NBEA: variants seen among roughly 807,000 people sequenced by gnomAD.
NBEA encodes neurobeachin, also known as lysosomal-trafficking regulator 2.
Under a neutral mutation model 343.4 loss-of-function variants are expected in NBEA, and 44 were observed. The ratio of observed to expected loss-of-function variants is 0.13; its 90% CI spans 0.10 to 0.16. NBEA has a LOEUF of 0.16. Ranked by LOEUF, NBEA falls within the 10% of genes least tolerant of loss-of-function variation. NBEA has a pLI of 1.00. For missense variants in NBEA, 2,555 were observed against 3,631.3 expected (o/e 0.70, Z 7.62); for synonymous variants, 1,175 against 1,238.7 (o/e 0.95, Z 1.08).
At chr13:35,178,920 A>G (rs887613596) in intron 28 of NBEA, among the ~76,000 whole-genome samples, 2 of 151,578 alleles carry the variant, frequency 1.3e-5, no homozygotes, top group Non-Finnish European at 3.0e-5. Context: ...ATGAATGATT[A>G]AAAACATGGA....
At chr13:35,344,027 G>A (rs1348588560) in intron 36 of NBEA, among the ~76,000 whole-genome samples, 2 of 152,014 alleles carry the variant, frequency 1.3e-5, no homozygotes, top group African/African-American at 4.8e-5. Flanking sequence ...TGATGACATA[G>A]TTAGATCATA....
At chr13:35,496,490 C>G (rs188763883) in intron 41 of NBEA, among the ~76,000 whole-genome samples, 1 of 151,562 alleles carries the variant, frequency 6.6e-6, no homozygotes, top group East Asian at 2.0e-4. Context: ...AAACCTTAGC[C>G]AGGCATAGTG....
chr13:35,368,442 T>C (rs985699987), intron 38 of NBEA, among the ~76,000 whole-genome samples: 1 of 151,642 alleles, frequency 6.6e-6, no homozygotes, highest in South Asian at 2.1e-4. Flanking sequence ...GTCAGATTTG[T>C]CACTTTTCAT....
chr13:35,225,187 G>T (rs1421303440), intron 33 of NBEA, among the ~76,000 whole-genome samples: 1 of 152,026 alleles, frequency 6.6e-6, no homozygotes, highest in Non-Finnish European at 1.5e-5. Flanking sequence ...TTTTGTCCTG[G>T]TCTAGACTCC....
intron 41 of NBEA, among the ~76,000 whole-genome samples, chr13:35,480,146 T>A (rs1276323018): frequency 6.6e-6 from 1 of 151,808 alleles, no homozygotes; most frequent in East Asian, 1.9e-4. Context: ...TTAAATATTG[T>A]GATCCTTAAC....
In NBEA at chr13:34,990,969, A is replaced by G. The variant is rs548846435; in HGVS notation, c.294+47855A>G. ...CCACAGATCTCTAGGGCAGGTGCAGAATGCCTTCAGCCTCTTTGTTAATGG... is the reference window on the plus strand; with the variant it reads ...CCACAGATCTCTAGGGCAGGTGCAGGATGCCTTCAGCCTCTTTGTTAATGG... On this transcript the variant is annotated intron_variant, in intron 1 of 58. Transcript: ENST00000379939. Among the ~76,000 whole-genome samples the G allele has an allele frequency of 2.0e-4, 31 of 152,302 alleles. 1 individual carries two copies. Among genetic ancestry groups the G allele is most frequent in the South Asian group, 8.3e-4 (4 of 4,830 alleles).
Position 35,628,169 on chromosome 13 carries a change from G to T in NBEA, c.7538G>T (p.Arg2513Leu). Reference sequence around the variant, plus strand: ...AAGCAGCGAGGACCAGAAGCAGTTCGTGCTCTGAATGTTTTTCACTACTTG... The same window carrying T: ...AAGCAGCGAGGACCAGAAGCAGTTCTTGCTCTGAATGTTTTTCACTACTTG... ...GYKQRGPEAV[R>L]ALNVFHYLTY... is the part of the protein sequence containing the mutation. The change falls in exon 49 of 59, where the codon CGT (arginine) becomes CTT (leucine). Residue 2513 changes from arginine to leucine, a missense_variant. Physicochemically the swap from Arg to Leu is moderately radical, Grantham distance 102. This residue lies in a region of NBEA where 87 missense variants were observed against 75.0 expected (regional missense o/e 1.16). Transcript: ENST00000379939. The T allele has an allele frequency of 1.2e-6, 2 of 1,613,192 alleles. No individual in the cohort carries two copies. The highest frequency in any genetic ancestry group is 1.7e-6 in the Non-Finnish European group (2 of 1,179,502).
At chr13:35,311,318 A>AT (rs1566601699) in intron 36 of NBEA, among the ~76,000 whole-genome samples, 35 of 149,416 alleles carry the variant, frequency 2.3e-4, no homozygotes, top group South Asian at 1.0e-3. Flanking sequence ...GCGAAGTAAA[A>AT]ATATATATAT....
At chr13:35,100,029 T>C (rs1448260766) in intron 11 of NBEA, among the ~76,000 whole-genome samples, 1 of 152,134 alleles carries the variant, frequency 6.6e-6, no homozygotes, top group African/African-American at 2.4e-5. Context: ...AGATCTCAAC[T>C]AAGGGATAAA....
At chr13:35,416,148 G>A (rs141105555) in intron 38 of NBEA, among the ~76,000 whole-genome samples, 2,963 of 152,170 alleles carry the variant, frequency 0.019, 111 homozygotes, top group African/African-American at 0.068. Context: ...AGATGATGGG[G>A]TTTTCTAAAT....
chr13:35,259,659 T>A (rs1012477880), intron 34 of NBEA, among the ~76,000 whole-genome samples: 4 of 152,082 alleles, frequency 2.6e-5, no homozygotes, highest in South Asian at 2.1e-4. Flanking sequence ...TTAGCAATTT[T>A]AAAAAATATA....
intron 47 of NBEA, among the ~76,000 whole-genome samples, chr13:35,601,793 A>AG (rs1320887032): frequency 6.9e-6 from 1 of 144,054 alleles, no homozygotes. Flanking sequence ...AAAGAAAAAA[A>AG]AAAAGAATGA....
chr13:35,247,465 G>C (rs751350729), intron 34 of NBEA, among the ~76,000 whole-genome samples: 2 of 152,080 alleles, frequency 1.3e-5, no homozygotes, highest in African/African-American at 2.4e-5. Flanking sequence ...TTTCCCTGCT[G>C]TTTCCTCTAC....
intron 39 of NBEA, among the ~76,000 whole-genome samples, chr13:35,443,025 A>G (rs543064461): frequency 7.2e-5 from 11 of 152,206 alleles, no homozygotes; most frequent in Middle Eastern, 3.4e-3. Context: ...GGTGTTAGGT[A>G]GCCATTTTCT....
At chr13:35,525,459 A>G (rs1257921475) in intron 41 of NBEA, among the ~76,000 whole-genome samples, 4 of 152,170 alleles carry the variant, frequency 2.6e-5, no homozygotes, top group Non-Finnish European at 5.9e-5. Flanking sequence ...AGGCTGAGGA[A>G]GGAGAATCAC....
chr13:34,984,149 T>C (rs2060462795), intron 1 of NBEA, among the ~76,000 whole-genome samples: 2 of 152,240 alleles, frequency 1.3e-5, no homozygotes, highest in African/African-American at 4.8e-5. Context: ...GGTTTTCTTC[T>C]AGGGTTTTTA....
chr13:35,091,512 C>T (rs2152628354), intron 10 of NBEA, among the ~76,000 whole-genome samples: 1 of 152,064 alleles, frequency 6.6e-6, no homozygotes, highest in South Asian at 2.1e-4. Flanking sequence ...TCTGTTTTCA[C>T]AGATGACATG....
intron 1 of NBEA, among the ~76,000 whole-genome samples, chr13:35,039,619 A>G (rs1342512232): frequency 6.6e-6 from 1 of 152,194 alleles, no homozygotes; most frequent in East Asian, 1.9e-4. Flanking sequence ...GAAGATAATA[A>G]TAGTGTCATA....
intron 39 of NBEA, among the ~76,000 whole-genome samples, chr13:35,441,446 A>G (rs1284245481): frequency 6.6e-6 from 1 of 152,222 alleles, no homozygotes; most frequent in Non-Finnish European, 1.5e-5. Context: ...TAATTAAAAT[A>G]CAATATAAAT....
Sources: allele counts gnomAD v4.1 joint callset (sites outside exome capture counted in the v4.1 genomes callset), GRCh38; gene constraint gnomAD v4.1.1; regional missense constraint gnomAD v4.1.1; transcripts MANE v1.5; gene names NCBI Gene and HGNC (gene_info 2026-07-23, HGNC 2026-07-21).